The following LSAMP variants were observed in gnomAD, a reference collection of about 807,000 sequenced individuals.
The protein encoded by LSAMP is limbic system associated membrane protein, also known as limbic system-associated membrane protein.
A neutral mutation model predicts 38.6 loss-of-function variants in LSAMP; 7 were observed. The observed-to-expected ratio is 0.18, with a 90% CI of 0.10 to 0.34. The LOEUF is 0.34. Among genes scored for constraint, LSAMP ranks in the 10% least tolerant of loss-of-function variants. The pLI is 1.00. For missense variants in LSAMP, 313 were observed against 420.0 expected (o/e 0.75, Z 2.23); for synonymous variants, 154 against 166.8 (o/e 0.92, Z 0.59).
intron 6 of LSAMP, among the ~76,000 whole-genome samples, chr3:115,829,596 C>T (rs1934543253): frequency 6.6e-6 from 1 of 152,134 alleles, no homozygotes; most frequent in African/African-American, 2.4e-5. Context: ...AAGGGCAGGT[C>T]CTTTAGGCTG....
intron 1 of LSAMP, among the ~76,000 whole-genome samples, chr3:116,228,762 A>C (rs1045824537): frequency 6.6e-6 from 1 of 152,130 alleles, no homozygotes; most frequent in Non-Finnish European, 1.5e-5. Flanking sequence ...TGTGGGTACT[A>C]TAAGAAAACT....
intron 3 of LSAMP, among the ~76,000 whole-genome samples, chr3:115,934,303 C>T (rs1434242383): frequency 1.3e-5 from 2 of 151,958 alleles, no homozygotes; most frequent in East Asian, 3.9e-4. Context: ...CTCCGCCTCC[C>T]AATAGGTTGG....
chr3:116,160,900 C>A (rs779004323), intron 1 of LSAMP, among the ~76,000 whole-genome samples: 2 of 152,078 alleles, frequency 1.3e-5, no homozygotes, highest in Admixed American at 1.3e-4. Context: ...GCAGAAGGAG[C>A]AATTCTACAC....
intron 1 of LSAMP, among the ~76,000 whole-genome samples, chr3:116,410,804 G>T (rs1210221809): frequency 3.3e-5 from 5 of 151,954 alleles, no homozygotes; most frequent in Non-Finnish European, 7.4e-5. Flanking sequence ...TCCTTTCTCT[G>T]GTCTAACTTG....
intron 1 of LSAMP, among the ~76,000 whole-genome samples, chr3:116,171,838 A>T (rs952046854): frequency 6.6e-6 from 1 of 152,002 alleles, no homozygotes; most frequent in African/African-American, 2.4e-5. Context: ...CCATTTATTT[A>T]TCTCTATCTC....
At position 116,115,945 on chromosome 3, in the gene LSAMP, A is replaced by G. The variant is rs139896088; in HGVS notation, c.156-29389T>C. ...CGTAGGGCGGCTTCCACCCCTTTCA[A>G]TCCTTTCAACCTGGAAACTTATATT... On this transcript the variant is annotated intron_variant, in intron 1 of 6. Coordinates refer to ENST00000490035, the MANE Select transcript of LSAMP (RefSeq NM_002338.5). 3.7e-3 allele frequency among the ~76,000 whole-genome samples: 558 copies of G among 151,752 alleles called. 1 individual carries two copies. Among genetic ancestry groups the G allele is most frequent in the African/African-American group, 0.011 (466 of 41,386 alleles).
chr3:115,900,796 T>C (rs1332816773), intron 3 of LSAMP, among the ~76,000 whole-genome samples: 3 of 152,160 alleles, frequency 2.0e-5, no homozygotes, highest in African/African-American at 7.2e-5. Flanking sequence ...CGCTTTCAGG[T>C]ACCTTACTGG....
At chr3:115,915,132 G>T (rs1236600055) in intron 3 of LSAMP, among the ~76,000 whole-genome samples, 1 of 152,172 alleles carries the variant, frequency 6.6e-6, no homozygotes, top group East Asian at 1.9e-4. Flanking sequence ...TAAAATTGGG[G>T]CACCTGGGAT....
intron 1 of LSAMP, among the ~76,000 whole-genome samples, chr3:116,279,213 C>A (rs2047094661): frequency 6.6e-6 from 1 of 152,084 alleles, no homozygotes; most frequent in South Asian, 2.1e-4. Context: ...TTCTGTCTTG[C>A]CCTCAAACAA....
intron 1 of LSAMP, among the ~76,000 whole-genome samples, chr3:116,375,022 C>T (rs1403029884): frequency 2.6e-5 from 4 of 151,890 alleles, no homozygotes; most frequent in African/African-American, 7.3e-5. Flanking sequence ...AGAGTTGATT[C>T]CCTTTAATAA....
chr3:116,065,704 C>A (rs1692843551), intron 2 of LSAMP, among the ~76,000 whole-genome samples: 14 of 152,168 alleles, frequency 9.2e-5, no homozygotes, highest in Admixed American at 9.2e-4. Context: ...TCCTTGCCAA[C>A]TCAAATTAAA....
intron 3 of LSAMP, among the ~76,000 whole-genome samples, chr3:115,992,570 G>A (rs1270353057): frequency 6.6e-6 from 1 of 151,904 alleles, no homozygotes; most frequent in Non-Finnish European, 1.5e-5. Context: ...CTTCTCATAA[G>A]ATGCAAATAA....
chr3:116,171,584 T>C (rs1576409464), intron 1 of LSAMP, among the ~76,000 whole-genome samples: 1 of 152,226 alleles, frequency 6.6e-6, no homozygotes, highest in East Asian at 1.9e-4. Flanking sequence ...CCAGCAAGTA[T>C]TTGGGCAAAT....
intron 3 of LSAMP, among the ~76,000 whole-genome samples, chr3:115,946,228 A>C (rs554703467): frequency 3.7e-4 from 57 of 152,144 alleles, no homozygotes; most frequent in Admixed American, 7.2e-4. Flanking sequence ...ATACAAACTG[A>C]GAGTAGAATG....
chr3:116,211,648 A>G (rs1303522514), intron 1 of LSAMP, among the ~76,000 whole-genome samples: 1 of 152,212 alleles, frequency 6.6e-6, no homozygotes, highest in Non-Finnish European at 1.5e-5. Context: ...TTACAGCTTA[A>G]ATATGTTAAT....
chr3:116,310,778 T>C (rs551751308), intron 1 of LSAMP, among the ~76,000 whole-genome samples: 32 of 152,124 alleles, frequency 2.1e-4, no homozygotes, highest in Non-Finnish European at 2.5e-4. Context: ...ATTTCCTCTT[T>C]ACATACTTGG....
chr3:116,285,429 C>T (rs1209562172), intron 1 of LSAMP, among the ~76,000 whole-genome samples: 3 of 152,168 alleles, frequency 2.0e-5, no homozygotes, highest in African/African-American at 7.2e-5. Context: ...AGGTAACCTT[C>T]GTAAATGTCA....
intron 3 of LSAMP, among the ~76,000 whole-genome samples, chr3:115,984,859 T>C (rs1013644789): frequency 1.9e-4 from 29 of 152,162 alleles, no homozygotes; most frequent in African/African-American, 6.8e-4. Flanking sequence ...CATGTAATCC[T>C]AGGTAAAATG....
intron 3 of LSAMP, among the ~76,000 whole-genome samples, chr3:115,876,136 C>A (rs1004038952): frequency 2.6e-5 from 4 of 151,796 alleles, no homozygotes; most frequent in Non-Finnish European, 2.9e-5. Context: ...CATTTTAACA[C>A]CCTTACTGAT....
Sources: gnomAD v4.1 joint callset for allele counts (sites outside exome capture counted in the v4.1 genomes callset) on GRCh38, gnomAD v4.1.1 for gene constraint, MANE v1.5 for transcripts, NCBI Gene and HGNC (gene_info 2026-07-23, HGNC 2026-07-21) for gene names.